The following CLASP1 variants were observed in gnomAD, a reference collection of about 807,000 sequenced individuals.
The protein encoded by CLASP1 is CLIP-associating protein 1.
CLASP1 carries 38 observed loss-of-function variants against 192.3 expected under a neutral mutation model. The observed-to-expected ratio is 0.20, with a 90% CI of 0.15 to 0.26. The LOEUF (loss-of-function observed/expected upper bound fraction) is 0.26, where lower values mean the gene tolerates loss of function less well. Ranked by LOEUF, CLASP1 falls within the 10% of genes least tolerant of loss-of-function variation. The pLI, the probability that CLASP1 is intolerant of heterozygous loss-of-function variation, is 1.00. For synonymous variants in CLASP1, 691 were observed against 712.8 expected (o/e 0.97, Z 0.49); for missense variants, 1,433 against 1,932.5 (o/e 0.74, Z 4.85).
intron 6 of CLASP1, among the ~76,000 whole-genome samples, chr2:121,521,798 C>T (rs2094463018): frequency 6.6e-6 from 1 of 152,176 alleles, no homozygotes; most frequent in Non-Finnish European, 1.5e-5. Context: ...TGGAGGCTGA[C>T]TACTAGGTCA....
intron 1 of CLASP1, among the ~76,000 whole-genome samples, chr2:121,614,028 A>G (rs887653481): frequency 6.6e-6 from 1 of 152,134 alleles, no homozygotes; most frequent in Non-Finnish European, 1.5e-5. Flanking sequence ...CTCTCCACAC[A>G]TGATCTCTAA....
intron 7 of CLASP1, 42 bp downstream of exon 7, chr2:121,515,623 G>A (rs764933616): frequency 6.2e-6 from 9 of 1,453,934 alleles, no homozygotes; most frequent in Non-Finnish European, 7.7e-6. Flanking sequence ...AAGGGGGCGG[G>A]GGGTTGGGTA....
intron 14 of CLASP1, 104 bp downstream of exon 14, chr2:121,457,583 T>A: frequency 1.2e-6 from 1 of 823,074 alleles, no homozygotes; most frequent in Non-Finnish European, 2.0e-6. Flanking sequence ...TTTTAAGTAA[T>A]ACTAAGCATG....
chr2:121,543,606 A>T (rs937498529), intron 2 of CLASP1, among the ~76,000 whole-genome samples: 6 of 152,210 alleles, frequency 3.9e-5, no homozygotes, highest in South Asian at 2.1e-4. Context: ...CCTGCCCAAG[A>T]TTCCTAGAGT....
rs2062704542 is a variant in CLASP1 at position 121,340,952 on chromosome 2, A to G, written c.4531-5T>C. 1 of 1,584,458 alleles carries G rather than the reference A, an allele frequency of 6.3e-7. No individual in the cohort carries two copies. The highest frequency in any genetic ancestry group is 8.6e-7 in the Non-Finnish European group (1 of 1,159,714). The stretch of plus-strand genomic sequence containing the variant: ...GTATAAGTTTAGTAGCTTCATCTGA[A>G]AAGAGAAGATGAAACTGAATTAGCA... On this transcript the variant is annotated splice_region_variant and splice_polypyrimidine_tract_variant and intron_variant, in intron 39 of 39. Coordinates refer to ENST00000263710, the Ensembl canonical transcript of CLASP1.
chr2:121,530,209 G>C (rs1411019857), intron 3 of CLASP1, 38 bp downstream of exon 3: 13 of 1,528,614 alleles, frequency 8.5e-6, no homozygotes, highest in African/African-American at 1.4e-5. Context: ...CTGGGGGTCT[G>C]AAGGGGCCGG....
intron 2 of CLASP1, among the ~76,000 whole-genome samples, chr2:121,601,668 G>A (rs1276816522): frequency 6.6e-6 from 1 of 152,148 alleles, no homozygotes; most frequent in African/African-American, 2.4e-5. Context: ...AATTAGGCAA[G>A]AGAAAGAAAT....
At chr2:121,503,789 A>G (rs1050483415) in intron 7 of CLASP1, 3 of 152,232 alleles carry the variant, frequency 2.0e-5, no homozygotes, top group Admixed American at 2.0e-4. Flanking sequence ...TATTACATTT[A>G]TTTTCTATTA....
chr2:121,646,853 C>T (rs528354326), intron 1 of CLASP1, among the ~76,000 whole-genome samples: 16 of 151,400 alleles, frequency 1.1e-4, no homozygotes, highest in African/African-American at 3.2e-4. Context: ...CTGGCTAACA[C>T]GGTGAAACCC....
chr2:121,343,183 C>T (rs750807634), intron 39 of CLASP1, among the ~76,000 whole-genome samples: 1 of 152,002 alleles, frequency 6.6e-6, no homozygotes, highest in Non-Finnish European at 1.5e-5. Flanking sequence ...TCATAGAGGA[C>T]GGCTATTAGA....
intron 1 of CLASP1, among the ~76,000 whole-genome samples, chr2:121,648,586 C>T (rs1202028239): frequency 6.6e-6 from 1 of 152,142 alleles, no homozygotes; most frequent in Non-Finnish European, 1.5e-5. Context: ...CATACTCATC[C>T]CAGCAGCTCG....
intron 2 of CLASP1, chr2:121,531,033 T>C (rs142168851): frequency 7.4e-4 from 517 of 699,926 alleles, no homozygotes; most frequent in Middle Eastern, 5.5e-3. Context: ...CATAGACTTA[T>C]CAGTTCAAAC....
At chr2:121,397,461 G>A (rs1049433428) in intron 29 of CLASP1, among the ~76,000 whole-genome samples, 178 bp from the exon 31 acceptor site, 3 of 152,182 alleles carry the variant, frequency 2.0e-5, no homozygotes, top group African/African-American at 7.2e-5. Flanking sequence ...AATGGCTGAT[G>A]GGTAAGTTTG....
chr2:121,530,076 G>C (rs1250775597), intron 3 of CLASP1, among the ~76,000 whole-genome samples, 171 bp downstream of exon 3: 2 of 151,940 alleles, frequency 1.3e-5, no homozygotes, highest in African/African-American at 2.4e-5. Flanking sequence ...CGAGTGCTTA[G>C]GGGGGCTGCG....
intron 34 of CLASP1, 21 bp from the exon 36 acceptor site, chr2:121,367,852 A>G: frequency 1.2e-6 from 2 of 1,609,784 alleles, no homozygotes; most frequent in Non-Finnish European, 1.7e-6. Flanking sequence ...GCACACTGTC[A>G]GTTCCCTTCT....
At chr2:121,592,564 CAT>C (rs1157941131) in intron 2 of CLASP1, among the ~76,000 whole-genome samples, 1 of 152,142 alleles carries the variant, frequency 6.6e-6, no homozygotes, top group Non-Finnish European at 1.5e-5. Context: ...ATTTCAAAAA[CAT>C]ATGAAGCCAA....
intron 6 of CLASP1, among the ~76,000 whole-genome samples, chr2:121,517,214 T>C (rs1175047922): frequency 1.3e-5 from 2 of 152,188 alleles, no homozygotes; most frequent in African/African-American, 4.8e-5. Context: ...AAGAAAAACA[T>C]TTTTAAAACA....
At chr2:121,539,247 G>A (rs548534363) in intron 2 of CLASP1, among the ~76,000 whole-genome samples, 14 of 152,262 alleles carry the variant, frequency 9.2e-5, no homozygotes, top group Non-Finnish European at 1.6e-4. Context: ...CTTGCTCCCC[G>A]TGGATATCAA....
chr2:121,447,371 T>C (rs1392233905), exon 19 of CLASP1: 2 of 1,589,432 alleles, frequency 1.3e-6, no homozygotes, highest in Non-Finnish European at 1.7e-6. Flanking sequence ...GCAAAGCTGC[T>C]GCAGAGCTGA....
Sources: allele counts gnomAD v4.1 joint callset (sites outside exome capture counted in the v4.1 genomes callset), GRCh38; gene constraint gnomAD v4.1.1; transcripts MANE v1.5; gene names NCBI Gene and HGNC (gene_info 2026-07-23, HGNC 2026-07-21).